The following PER2 variants were observed in gnomAD, a reference collection of about 807,000 sequenced individuals.
PER2 encodes the protein period circadian protein homolog 2.
A neutral mutation model predicts 121.0 loss-of-function variants in PER2; 66 were observed. The ratio of observed to expected loss-of-function variants is 0.55; its 90% confidence interval spans 0.45 to 0.67. The LOEUF (loss-of-function observed/expected upper bound fraction) is 0.67. PER2 is among the 30% of genes least tolerant of loss of function. The pLI, the probability that PER2 is intolerant of heterozygous loss-of-function variation, is 0.00. For missense variants in PER2, 1,521 were observed against 1,635.0 expected (o/e 0.93, Z 1.20); for synonymous variants, 684 against 659.9 (o/e 1.04, Z -0.56).
chr2:238,261,096 G>T, intron 12 of PER2, 143 bp from the exon 13 acceptor site: 1 of 978,234 alleles, frequency 1.0e-6, no homozygotes, highest in Non-Finnish European at 1.5e-6. Context: ...GCTGAGGTTT[G>T]AACCCCAGGG....
Position 238,259,960 on chromosome 2 carries a change from T to G in PER2, c.1627+9A>C, listed in dbSNP as rs1695877142. On this transcript the variant is annotated intron_variant, in intron 14 of 22. Coordinates refer to ENST00000254657, the MANE Select transcript of PER2 (RefSeq NM_022817.3). Reference sequence around the variant, plus strand: ...TCAGTAAGGAAATGTTGAATATTTTTTTTTTTACCTGTAACGGATTTTTTC... The same window carrying G: ...TCAGTAAGGAAATGTTGAATATTTTGTTTTTTACCTGTAACGGATTTTTTC... 2 of 1,244,586 alleles carry G rather than the reference T, an allele frequency of 1.6e-6. No individual in the cohort carries two copies. The highest frequency in any genetic ancestry group is 2.3e-6 in the Non-Finnish European group (2 of 852,610). 77.1% of individuals were successfully genotyped at this position (1,244,586 alleles called of 1,614,324 possible).
Position 238,258,640 on chromosome 2 carries a change from C to T in PER2, c.1632G>A (p.Met544Ile). The T allele has an allele frequency of 1.2e-6, 2 of 1,613,972 alleles. No homozygotes were observed. Among genetic ancestry groups the T allele is most frequent in the South Asian group, 1.1e-5 (1 of 91,086 alleles). ...GEQKKKSVTE[M>I]QTNPPAEKKA... ...TCTTCTCAGCTGGGGGATTAGTTTG[C>T]ATTTCTGAAGGAATGGCAAAATTGT... The change falls in exon 15 of 23, where the codon ATG (methionine) becomes ATA (isoleucine). Residue 544 changes from methionine to isoleucine, a missense_variant. Coordinates refer to ENST00000254657, the MANE Select transcript of PER2 (RefSeq NM_022817.3).
rs1055999500 is a variant in PER2 at position 238,260,032 on chromosome 2, T to C, written c.1564A>G (p.Lys522Glu). The C allele has an allele frequency of 4.0e-6, 6 of 1,503,332 alleles. No individual in the cohort carries two copies. The highest frequency in any genetic ancestry group is 5.5e-6 in the Non-Finnish European group (6 of 1,084,610). 93.1% of individuals were successfully genotyped at this position (1,503,332 alleles called of 1,614,324 possible). ...GAATAATGACTTCTATTTTTGGTCT[T>C]GTTACCATTTTTACAAATTTCCTTG... Reference protein sequence around the residue: ...RRAEICKNGNKTKNRSHYSHE... With the variant: ...RRAEICKNGNETKNRSHYSHE... The change falls in exon 14 of 23, where the codon AAG becomes GAG. Residue 522 changes from lysine (K) to glutamate (E), a missense_variant. Coordinates refer to ENST00000254657, the MANE Select transcript of PER2 (RefSeq NM_022817.3).
chr2:238,246,610 C>T (rs1032131807), intron 22 of PER2, 86 bp from the exon 23 acceptor site: 2 of 905,856 alleles, frequency 2.2e-6, no homozygotes, highest in African/African-American at 1.6e-5. Context: ...GGCGCGGTGG[C>T]TCACGCCTGT....
chr2:238,271,476 T>C lies in PER2; in HGVS notation c.608A>G (p.Lys203Arg), dbSNP rs774444088. ...FAVAVSLVSG[K>R]ILYISDQVAS... ...AACCTGGTCAGAGATGTACAGGATCTTCCCAGACACCAGGGACACGGCCAC... is the reference window on the plus strand; with the variant it reads ...AACCTGGTCAGAGATGTACAGGATCCTCCCAGACACCAGGGACACGGCCAC... Residue 203 changes from lysine to arginine, a missense_variant, in exon 6 of 23, where the codon AAG becomes AGG. Physicochemically the swap from Lys to Arg is conservative, Grantham distance 26. Transcript: ENST00000254657. 17 of 1,613,852 alleles carry C rather than the reference T, an allele frequency of 1.1e-5. 1 individual carries two copies. The South Asian group carries it at 1.9e-4, about 18-fold the overall frequency.
chr2:238,282,460 G>A (rs957593359), intron 1 of PER2, among the ~76,000 whole-genome samples: 1 of 152,210 alleles, frequency 6.6e-6, no homozygotes, highest in Non-Finnish European at 1.5e-5. Flanking sequence ...GGCCTGGCAC[G>A]TACTGTTGAA....
chr2:238,271,627 G>T, intron 5 of PER2, 114 bp from the exon 6 acceptor site: 1 of 777,386 alleles, frequency 1.3e-6, no homozygotes, highest in Non-Finnish European at 2.2e-6. Flanking sequence ...GAGGTGGGGG[G>T]CTCTCTGACT....
chr2:238,259,924 A>G, intron 14 of PER2, 45 bp downstream of exon 14: 1 of 895,060 alleles, frequency 1.1e-6, no homozygotes, highest in Non-Finnish European at 1.8e-6. Context: ...TCATGTGGCC[A>G]TACTCTAGTT....
At chr2:238,286,098 T>C (rs1696774711) in intron 1 of PER2, among the ~76,000 whole-genome samples, 1 of 152,108 alleles carries the variant, frequency 6.6e-6, no homozygotes, top group African/African-American at 2.4e-5. Context: ...ATTCAGACTT[T>C]TAAATCCCTA....
chr2:238,258,462 A>T (rs199853925), intron 15 of PER2, 35 bp downstream of exon 15: 1 of 1,614,074 alleles, frequency 6.2e-7, no homozygotes, highest in East Asian at 2.2e-5. Flanking sequence ...AAGGTGTGTG[A>T]GATGGTGGAG....
rs1337361711 is a variant in PER2 at position 238,245,580 on chromosome 2, T to C, written c.*795A>G. 2.5e-6 allele frequency: 1 copy of C among 398,526 alleles called. No homozygotes were observed. The highest frequency in any genetic ancestry group is 4.4e-6 in the Non-Finnish European group (1 of 226,084). 24.7% of individuals were successfully genotyped at this position (398,526 alleles called of 1,614,324 possible). On this transcript the variant is annotated 3_prime_UTR_variant, in exon 23 of 23. Transcript: ENST00000254657. ...GCAAAGGGAAGTCACCATAAAGAGA[T>C]GACTGATGACATATTTTAATCTCCA...
Position 238,245,058 on chromosome 2 carries a change from A to T in PER2, c.*1317T>A, listed in dbSNP as rs1184657549. On this transcript the variant is annotated 3_prime_UTR_variant, in exon 23 of 23. Transcript: ENST00000254657. ...AACTCCATCTAAAAAAAAAAAAAAA[A>T]AAAAAAAAAAAAGAAAACCCTGGTC... 6.6e-6 allele frequency: 1 copy of T among 150,446 alleles called. No homozygotes were observed. The highest frequency in any genetic ancestry group is 2.4e-5 in the African/African-American group (1 of 41,024). 9.3% of individuals were successfully genotyped at this position (150,446 alleles called of 1,614,324 possible).
At chr2:238,285,702 C>T (rs1696761869) in intron 1 of PER2, among the ~76,000 whole-genome samples, 1 of 125,566 alleles carries the variant, frequency 8.0e-6, no homozygotes, top group South Asian at 2.3e-4. Context: ...TGCCAGCCCC[C>T]CAGAGGCTCC....
chr2:238,294,537 T>C (rs1289746975), upstream of PER2, among the ~76,000 whole-genome samples: 2 of 152,250 alleles, frequency 1.3e-5, no homozygotes, highest in East Asian at 3.8e-4. Flanking sequence ...TTGCTGTGTT[T>C]AGGCATCACG....
chr2:238,270,703 G>T (rs1696258223), intron 6 of PER2, among the ~76,000 whole-genome samples: 1 of 152,226 alleles, frequency 6.6e-6, no homozygotes, highest in South Asian at 2.1e-4. Flanking sequence ...GGCTGGGAGG[G>T]CCTGGCTGGG....
At chr2:238,257,722 C>A (rs1339397774) in intron 16 of PER2, among the ~76,000 whole-genome samples, 3 of 152,240 alleles carry the variant, frequency 2.0e-5, no homozygotes, top group Non-Finnish European at 4.4e-5. Context: ...GATCCACCCA[C>A]CTCGGCCTCC....
chr2:238,263,264 G>C (rs1483901888), intron 9 of PER2, among the ~76,000 whole-genome samples: 2 of 151,286 alleles, frequency 1.3e-5, no homozygotes, highest in East Asian at 3.9e-4. Context: ...GACGCTGAAG[G>C]AGGCTCCCTC....
In PER2 at chr2:238,262,226, T is replaced by A; in HGVS notation, c.1272A>T (p.Lys424Asn). ...WSSFINPWSR[K>N]ISFIIGRHKV... ...TGTGCCTCCCAATGATGAAGGAGAT[T>A]TTCCTGCTCCATGGGTTGATGAAGC... Residue 424 changes from lysine (K) to asparagine (N), a missense_variant, in exon 11 of 23, where the codon AAA becomes AAT. Lys to Asn is a moderately conservative substitution (Grantham distance 94). Transcript: ENST00000254657. 1.2e-6 allele frequency: 2 copies of A among 1,614,030 alleles called. No homozygotes were observed. Among genetic ancestry groups the A allele is most frequent in the Non-Finnish European group, 1.7e-6 (2 of 1,180,004 alleles).
chr2:238,245,221 A>C lies in PER2; in HGVS notation c.*1154T>G, dbSNP rs1695415439. The C allele has an allele frequency of 4.3e-6, 1 of 230,106 alleles. No individual in the cohort carries two copies. The highest frequency in any genetic ancestry group is 2.2e-5 in the African/African-American group (1 of 44,692). The allele number at this position is 230,106 out of a possible 1,614,324, so 14.3% of individuals were successfully genotyped here. ...CAATGCAACATGAGGTTTTGTAAAAAGCCGGGCAGACTGGCCTCACTTTTC... is the reference window on the plus strand; with the variant it reads ...CAATGCAACATGAGGTTTTGTAAAACGCCGGGCAGACTGGCCTCACTTTTC... On this transcript the variant is annotated 3_prime_UTR_variant, in exon 23 of 23. Transcript: ENST00000254657.
Sources: allele counts gnomAD v4.1 joint callset (sites outside exome capture counted in the v4.1 genomes callset), GRCh38; gene constraint gnomAD v4.1.1; transcripts MANE v1.5; gene names NCBI Gene and HGNC (gene_info 2026-07-23, HGNC 2026-07-21).